The following SV2A variants were observed in gnomAD, a reference collection of about 807,000 sequenced individuals.
SV2A encodes the protein solute carrier family 22 member B1.
Under a neutral mutation model 78.0 loss-of-function variants are expected in SV2A, and 25 were observed. The observed-to-expected ratio is 0.32, with a 90% CI of 0.23 to 0.45. The LOEUF is 0.45. Among genes scored for constraint, SV2A ranks in the 20% least tolerant of loss-of-function variants. SV2A has a pLI of 1.00. For synonymous variants in SV2A, 355 were observed against 384.7 expected, an observed-to-expected ratio of 0.92 and a Z score of 0.90; for missense variants, 752 against 971.5, an observed-to-expected ratio of 0.77 and a Z score of 3.00.
rs782533416 is a variant in SV2A at position 149,913,660 on chromosome 1, G to C, written c.181C>G (p.Pro61Ala). Residue 61 changes from proline to alanine, a missense_variant, in exon 2 of 13, where the codon CCC becomes GCC. Coordinates refer to ENST00000369146, the MANE Select transcript of SV2A (RefSeq NM_014849.5). The part of the protein sequence containing the change: ...EEDDDDDFPA[P>A]SDGYYRGEGT... ...TCTCCTCGGTAATAACCATCACTGG[G>C]AGCAGGGAAGTCATCATCATCATCC... The C allele has an allele frequency of 1.9e-6, 3 of 1,614,118 alleles. No individual in the cohort carries two copies. The South Asian group carries it at 3.3e-5, about 18-fold the overall frequency.
chr1:149,908,613 C>T (rs587697871), intron 8 of SV2A, among the ~76,000 whole-genome samples: 1 of 152,170 alleles, frequency 6.6e-6, no homozygotes, highest in South Asian at 2.1e-4. Context: ...CTCTCATCAC[C>T]CTGCTTCATA....
At chr1:149,914,555 G>A (rs2092500684) in intron 1 of SV2A, among the ~76,000 whole-genome samples, 1 of 152,224 alleles carries the variant, frequency 6.6e-6, no homozygotes, top group Non-Finnish European at 1.5e-5. Flanking sequence ...TAGGGGTGGA[G>A]TTGAGGAGGA....
At chr1:149,915,668 G>A (rs910239506) in intron 1 of SV2A, among the ~76,000 whole-genome samples, 1 of 152,170 alleles carries the variant, frequency 6.6e-6, no homozygotes, top group Non-Finnish European at 1.5e-5. Flanking sequence ...TCCTCCAGGA[G>A]TCAAGGAAGA....
Position 149,914,095 on chromosome 1 carries a change from G to A in SV2A, c.-255C>T, listed in dbSNP as rs1048293964. On this transcript the variant is annotated 5_prime_UTR_variant, in exon 2 of 13. Coordinates refer to ENST00000369146, the MANE Select transcript of SV2A (RefSeq NM_014849.5). Reference sequence around the variant, plus strand: ...ATGGGGAAGGGACAGGGGGAGCAGGGGAATGGGAAGGGGAAGGGGAGCCAG... The same window carrying A: ...ATGGGGAAGGGACAGGGGGAGCAGGAGAATGGGAAGGGGAAGGGGAGCCAG... The A allele has an allele frequency of 4.7e-6, 2 of 427,044 alleles. No individual in the cohort carries two copies. Among genetic ancestry groups the A allele is most frequent in the African/African-American group, 4.0e-5 (2 of 50,538 alleles). 26.5% of individuals were successfully genotyped at this position (427,044 alleles called of 1,614,324 possible). A position where few individuals can be genotyped will look rare whatever the true frequency, so the allele number is the denominator to read the frequency against.
chr1:149,915,537 G>T (rs587738459), intron 1 of SV2A, among the ~76,000 whole-genome samples: 1 of 152,228 alleles, frequency 6.6e-6, no homozygotes, highest in African/African-American at 2.4e-5. Context: ...TCCACAGATG[G>T]GGGTGAGAAT....
chr1:149,909,673 T>C, intron 6 of SV2A, 102 bp from the exon 7 acceptor site: 1 of 1,426,514 alleles, frequency 7.0e-7, no homozygotes, highest in Non-Finnish European at 9.8e-7. Flanking sequence ...AGGCAGGAGG[T>C]GGATATGATA....
chr1:149,908,622 T>C (rs1257742266), intron 8 of SV2A, among the ~76,000 whole-genome samples: 5 of 150,196 alleles, frequency 3.3e-5, no homozygotes, highest in Admixed American at 2.7e-4. Flanking sequence ...CCCTGCTTCA[T>C]AGCAAGTTTC....
chr1:149,911,713 G>A, intron 3 of SV2A, 87 bp downstream of exon 3: 2 of 1,331,974 alleles, frequency 1.5e-6, no homozygotes, highest in Non-Finnish European at 2.1e-6. Context: ...TGCATTTGGT[G>A]TGCCTGGCAC....
intron 1 of SV2A, among the ~76,000 whole-genome samples, chr1:149,917,173 A>G (rs2092520168): frequency 7.2e-6 from 1 of 139,368 alleles, no homozygotes; most frequent in Non-Finnish European, 1.6e-5. Flanking sequence ...AACTGCCGCC[A>G]GCCCCCGCCA....
intron 2 of SV2A, among the ~76,000 whole-genome samples, chr1:149,912,684 G>A (rs2092482623): frequency 6.6e-6 from 1 of 152,120 alleles, no homozygotes; most frequent in South Asian, 2.1e-4. Flanking sequence ...CAGAGTCCCT[G>A]TCAGGAAAGG....
At chr1:149,914,990 G>C (rs939311610) in intron 1 of SV2A, among the ~76,000 whole-genome samples, 2 of 152,178 alleles carry the variant, frequency 1.3e-5, no homozygotes, top group African/African-American at 2.4e-5. Context: ...TTTAGGGTGA[G>C]CAGCAGGAAG....
rs782283855 is a variant in SV2A at position 149,910,558 on chromosome 1, C to T, written c.1089+12G>A. ...GCACCCCACCCCACCCCATGCAGCT[C>T]AGCCCCATCACCTCTAGGAAGAAAC... On this transcript the variant is annotated intron_variant, in intron 5 of 12. Transcript: ENST00000369146. This position sits in a 1 kb window ranked among gnomAD's most constrained non-coding sequence, Gnocchi z 4.2. 11 of 1,598,806 alleles carry T rather than the reference C, an allele frequency of 6.9e-6. No individual in the cohort carries two copies. Among genetic ancestry groups the T allele is most frequent in the South Asian group, 1.1e-5 (1 of 88,586 alleles).
rs782396633 is a variant in SV2A at position 149,909,882 on chromosome 1, C to T, written c.1098G>A (p.Lys366=). ...TCAGCACCATCCAGGCCTCATCATG[C>T]TTTCCATTCTAGAGCCAAAGACACA... ...ESPRFFLENG[K]HDEAWMVLKQ... is the part of the protein sequence containing the mutation. Residue 366 remains lysine, a synonymous_variant, in exon 6 of 13, where the codon AAG becomes AAA. Transcript: ENST00000369146. The T allele has an allele frequency of 1.9e-6, 3 of 1,614,050 alleles. No homozygotes were observed. In the South Asian group the frequency reaches 3.3e-5, roughly 18 times the overall value.
chr1:149,909,042 G>A (rs1297451885), intron 8 of SV2A, 150 bp downstream of exon 8: 13 of 702,346 alleles, frequency 1.9e-5, no homozygotes, highest in African/African-American at 5.3e-5. Context: ...GTGAACTAGC[G>A]AAGTAGAGGA....
At position 149,906,732 on chromosome 1, in the gene SV2A, G is replaced by A. The variant is rs2092440431; in HGVS notation, c.1803C>T (p.Ser601=). 5 of 1,614,230 alleles carry A rather than the reference G, an allele frequency of 3.1e-6. No homozygotes were observed. Among genetic ancestry groups the A allele is most frequent in the Non-Finnish European group, 3.4e-6 (4 of 1,180,044 alleles). The part of the protein sequence containing the change: ...GEGAYMVYFV[S]FLGTLAVLPG... ...GAAGCACTGCCAGTGTCCCCAGGAA[G>A]CTCACAAAGTATACCATGTAGGCAC... The change falls in exon 11 of 13, where the codon AGC becomes AGT. Residue 601 remains serine, a synonymous_variant. Coordinates refer to ENST00000369146, the MANE Select transcript of SV2A (RefSeq NM_014849.5).
At chr1:149,905,245 G>A (rs2092429632) in intron 12 of SV2A, 48 bp from the exon 13 acceptor site, 2 of 1,540,252 alleles carry the variant, frequency 1.3e-6, no homozygotes, top group African/African-American at 2.7e-5. Flanking sequence ...ACAGGAGGGA[G>A]GCAAAGGAAG....
chr1:149,905,843 T>C (rs1553762647), intron 12 of SV2A, 37 bp downstream of exon 12: 1 of 1,584,340 alleles, frequency 6.3e-7, no homozygotes, highest in Non-Finnish European at 8.6e-7. Flanking sequence ...ACCCCTCCCC[T>C]GAATCCACTG....
Position 149,910,027 on chromosome 1 carries a change from C to T in SV2A, c.1090-137G>A. 1.3e-6 allele frequency: 1 copy of T among 764,546 alleles called. No individual in the cohort carries two copies. Among genetic ancestry groups the T allele is most frequent in the Non-Finnish European group, 2.2e-6 (1 of 451,668 alleles). The allele number at this position is 764,546 out of a possible 1,614,324, so 47.4% of individuals were successfully genotyped here. On this transcript the variant is annotated intron_variant, in intron 5 of 12. Coordinates refer to ENST00000369146, the MANE Select transcript of SV2A (RefSeq NM_014849.5). The surrounding 1 kb of genome is among the most constrained non-coding windows in gnomAD (Gnocchi z 4.2). Reference sequence around the variant, plus strand: ...CAGCCCTCAACCCCACCACCAAGCCCTGACCTATGGGCATGCACTCACCAC... The same window carrying T: ...CAGCCCTCAACCCCACCACCAAGCCTTGACCTATGGGCATGCACTCACCAC...
At chr1:149,909,312 C>G in intron 7 of SV2A, 32 bp from the exon 8 acceptor site, 1 of 1,609,394 alleles carries the variant, frequency 6.2e-7, no homozygotes, top group Non-Finnish European at 8.5e-7. Context: ...CAGACCTTGA[C>G]TATACTAAGT....
Sources: allele counts gnomAD v4.1 joint callset (sites outside exome capture counted in the v4.1 genomes callset), GRCh38; gene constraint gnomAD v4.1.1; non-coding constraint Gnocchi (gnomAD v3.1); transcripts MANE v1.5; gene names NCBI Gene and HGNC (gene_info 2026-07-23, HGNC 2026-07-21).